The following HCCS variants were observed in gnomAD, a reference collection of about 807,000 sequenced individuals.
HCCS encodes the protein holocytochrome c synthase.
A neutral mutation model predicts 24.2 loss-of-function variants in HCCS; 2 were observed. The ratio of observed to expected loss-of-function variants is 0.08; its 90% CI spans 0.03 to 0.26. HCCS has a LOEUF of 0.26. HCCS is among the 10% of genes least tolerant of loss of function. The pLI is 1.00. For synonymous variants in HCCS, 73 were observed against 76.2 expected (o/e 0.96, Z 0.22); for missense variants, 150 against 213.3 (o/e 0.70, Z 1.85).
chrX:11,115,066 G>T, intron 3 of HCCS, 80 bp downstream of exon 3: 1 of 813,256 alleles, frequency 1.2e-6, no homozygotes, highest in Non-Finnish European at 1.9e-6. Context: ...GTTGCAAATG[G>T]CTAGGATGAA....
At chrX:11,112,303 G>A (rs2045414948) in intron 2 of HCCS, 143 bp downstream of exon 2, 1 of 488,771 alleles carries the variant, frequency 2.0e-6, no homozygotes. Context: ...TGGGCAACAT[G>A]GCAAAAACCT....
intron 2 of HCCS, 81 bp from the exon 3 acceptor site, chrX:11,114,754 T>C (rs1378671180): frequency 2.2e-6 from 2 of 896,598 alleles, no homozygotes; most frequent in African/African-American, 3.9e-5. Flanking sequence ...TGGTCAGAAA[T>C]TCAGCTCTTT....
At chrX:11,112,907 C>A (rs1414934227) in intron 2 of HCCS, among the ~76,000 whole-genome samples, 1 of 112,406 alleles carries the variant, frequency 8.9e-6, no homozygotes, top group Non-Finnish European at 1.9e-5. Context: ...CAGAACAGCC[C>A]CCCAACAAAG....
rs2045405909 is a variant in HCCS at position 11,111,355 on chromosome X, A to AGGCGAC, written c.-202_-201insACGGCG. ...CCACAGCGGTGACCGAGTGAGAGGA[A>AGGCGAC]GGCGGCGGCGGCGGCGGCGGCGGCG... On this transcript the variant is annotated 5_prime_UTR_variant, in exon 1 of 7. Coordinates refer to ENST00000380762, the MANE Select transcript of HCCS (RefSeq NM_005333.5). 2 of 162,615 alleles carry AGGCGAC rather than the reference A, an allele frequency of 1.2e-5. No homozygotes were observed. The highest frequency in any genetic ancestry group is 1.8e-4 in the South Asian group (2 of 10,922). The allele number at this position is 162,615 out of a possible 1,213,427, so 13.4% of individuals were successfully genotyped here.
rs745529067 is a variant in HCCS at position 11,118,754 on chromosome X, G to A, written c.521+134G>A. ...CAGGCATGGCTCAGTGACAATTGTT[G>A]CATGACAGGCCACCCTTCTTAGTTG... On this transcript the variant is annotated intron_variant, in intron 5 of 6. Transcript: ENST00000380762. The A allele has an allele frequency of 1.3e-4, 83 of 662,896 alleles. No individual in the cohort carries two copies. In the African/African-American group the frequency reaches 1.5e-3, roughly 12 times the overall value. 54.6% of individuals were successfully genotyped at this position (662,896 alleles called of 1,213,427 possible).
chrX:11,114,906 G>C lies in HCCS; in HGVS notation c.172G>C (p.Glu58Gln), dbSNP rs757717387. Reference sequence around the variant, plus strand: ...AACATACTCTGTGCCTGCCCACCAGGAACGCGCCTATGAGTACGTGGAGTG... The same window carrying C: ...AACATACTCTGTGCCTGCCCACCAGCAACGCGCCTATGAGTACGTGGAGTG... Reference protein sequence around the residue: ...KKTYSVPAHQERAYEYVECPI... With the variant: ...KKTYSVPAHQQRAYEYVECPI... The change falls in exon 3 of 7, where the codon GAA (glutamate) becomes CAA (glutamine). Residue 58 changes from glutamate (E) to glutamine (Q), a missense_variant. Transcript: ENST00000380762. The C allele has an allele frequency of 4.2e-6, 5 of 1,203,830 alleles. No homozygotes were observed. The Admixed American group carries it at 6.5e-5, about 16-fold the overall frequency.
rs1231614950 is a variant in HCCS at position 11,121,868 on chromosome X, A to G, written c.*58A>G. The G allele has an allele frequency of 2.5e-5, 24 of 974,053 alleles. No individual in the cohort carries two copies. Among genetic ancestry groups the G allele is most frequent in the Non-Finnish European group, 3.3e-5 (23 of 690,839 alleles). 80.3% of individuals were successfully genotyped at this position (974,053 alleles called of 1,213,427 possible). A position where few individuals can be genotyped will look rare whatever the true frequency, so the allele number is the denominator to read the frequency against. On this transcript the variant is annotated 3_prime_UTR_variant, in exon 7 of 7. Coordinates refer to ENST00000380762, the MANE Select transcript of HCCS (RefSeq NM_005333.5). ...TTTTTTCTGAGCGATACATTAAACT[A>G]TTTTCCCCAGATTGAATTGCACTCA...
At chrX:11,115,548 A>G (rs1049773420) in intron 3 of HCCS, among the ~76,000 whole-genome samples, 1 of 111,944 alleles carries the variant, frequency 8.9e-6, no homozygotes. Context: ...AGGCTCAGGC[A>G]TATACTTCAG....
intron 6 of HCCS, 99 bp from the exon 7 acceptor site, chrX:11,121,513 G>A (rs754076594): frequency 3.1e-6 from 2 of 651,511 alleles, no homozygotes; most frequent in Non-Finnish European, 2.6e-6. Context: ...GTGTTTGGGA[G>A]CAGGTGTTTG....
chrX:11,119,095 A>G (rs960726440), intron 5 of HCCS, among the ~76,000 whole-genome samples: 23 of 111,775 alleles, frequency 2.1e-4, no homozygotes, highest in African/African-American at 7.5e-4. Context: ...AAAGTGTCAG[A>G]AGCCTGCCCA....
chrX:11,120,318 G>T (rs959799677), intron 5 of HCCS, among the ~76,000 whole-genome samples: 9 of 111,448 alleles, frequency 8.1e-5, no homozygotes, highest in African/African-American at 2.9e-4. Flanking sequence ...GCCTACAGAG[G>T]GCTGGCACCT....
chrX:11,117,503 T>C, intron 4 of HCCS, 88 bp downstream of exon 4: 1 of 798,941 alleles, frequency 1.3e-6, no homozygotes, highest in African/African-American at 2.0e-5. Flanking sequence ...TTCAAAACAA[T>C]ATAGTACATT....
chrX:11,121,289 C>A (rs2045489613), intron 6 of HCCS, among the ~76,000 whole-genome samples: 2 of 112,760 alleles, frequency 1.8e-5, no homozygotes, highest in African/African-American at 6.4e-5. Context: ...GCCATCCTCC[C>A]TTTCTTTTCT....
At position 11,122,817 on chromosome X, in the gene HCCS, A is replaced by G. The variant is rs1602707957; in HGVS notation, c.*1007A>G. 1 of 112,194 alleles carries G rather than the reference A, an allele frequency of 8.9e-6. No individual in the cohort carries two copies. The highest frequency in any genetic ancestry group is 2.8e-4 in the East Asian group (1 of 3,591). The allele number at this position is 112,194 out of a possible 1,213,427, so 9.2% of individuals were successfully genotyped here. On this transcript the variant is annotated 3_prime_UTR_variant, in exon 7 of 7. Transcript: ENST00000380762. ...GTTTGCCATTGAAACTTTTTGTACC[A>G]GTAATCCATAAACTGGTTGTTCTAT... is the stretch of plus-strand genomic sequence containing the variant.
intron 6 of HCCS, 151 bp downstream of exon 6, chrX:11,121,144 C>T: frequency 1.9e-6 from 1 of 531,972 alleles, no homozygotes; most frequent in Non-Finnish European, 3.4e-6. Flanking sequence ...GAGGTTTGCC[C>T]ATTAATGGGC....
At chrX:11,119,101 G>T (rs1163014199) in intron 5 of HCCS, among the ~76,000 whole-genome samples, 1 of 111,837 alleles carries the variant, frequency 8.9e-6, no homozygotes, top group Non-Finnish European at 1.9e-5. Flanking sequence ...TCAGAAGCCT[G>T]CCCAGATTCA....
rs775536360 is a variant in HCCS at position 11,115,096 on chromosome X, C to T, written c.252+110C>T. The T allele has an allele frequency of 2.1e-5, 14 of 660,480 alleles. No individual in the cohort carries two copies. The South Asian group carries it at 3.1e-4, about 15-fold the overall frequency. The allele number at this position is 660,480 out of a possible 1,213,427, so 54.4% of individuals were successfully genotyped here. ...GATGAATTCTTCTGTCCTTTGAAAA[C>T]AGAGAAGTTAGATATTCTATCTACA... On this transcript the variant is annotated intron_variant, in intron 3 of 6. Transcript: ENST00000380762.
At position 11,114,972 on chromosome X, in the gene HCCS, G is replaced by C. The variant is rs931664778; in HGVS notation, c.238G>C (p.Asp80His). The C allele has an allele frequency of 5.8e-6, 7 of 1,209,379 alleles. No individual in the cohort carries two copies. The highest frequency in any genetic ancestry group is 7.8e-6 in the Non-Finnish European group (7 of 893,232). Reference protein sequence around the residue: ...GTAAENKENLDPSNLMPPPNQ... With the variant: ...GTAAENKENLHPSNLMPPPNQ... ...TGCGGCTGAGAATAAGGAGAACCTA[G>C]ATCCTTCAAATCTGGTAATCCACAC... The change falls in exon 3 of 7, where the codon GAT becomes CAT. Residue 80 changes from aspartate (D) to histidine (H), a missense_variant. This residue lies in a region of HCCS where 95 missense variants were observed against 79.1 expected (regional missense o/e 1.20). Transcript: ENST00000380762.
At position 11,117,426 on chromosome X, in the gene HCCS, A is replaced by G. The variant is rs1245086261; in HGVS notation, c.401+11A>G. On this transcript the variant is annotated intron_variant, in intron 4 of 6. Coordinates refer to ENST00000380762, the MANE Select transcript of HCCS (RefSeq NM_005333.5). The stretch of plus-strand genomic sequence containing the variant: ...AATGTTAAAGAAAGGGTGAGTGAAC[A>G]TATTATTTAAGATAAAAATTTCTTG... 8.4e-7 allele frequency: 1 copy of G among 1,194,023 alleles called. No individual in the cohort carries two copies. The highest frequency in any genetic ancestry group is 1.1e-6 in the Non-Finnish European group (1 of 879,773).
Sources: allele counts gnomAD v4.1 joint callset (sites outside exome capture counted in the v4.1 genomes callset), GRCh38; gene constraint gnomAD v4.1.1; regional missense constraint gnomAD v4.1.1; transcripts MANE v1.5; gene names NCBI Gene and HGNC (gene_info 2026-07-23, HGNC 2026-07-21).